The following IQCJ variants were observed in gnomAD, a reference collection of about 807,000 sequenced individuals.
IQCJ encodes IQ domain-containing protein J.
A neutral mutation model predicts 11.0 loss-of-function variants in IQCJ; 9 were observed. That is an observed-to-expected ratio of 0.82 (90% CI 0.49 to 1.43). IQCJ has a LOEUF of 1.43. Among genes scored for constraint, IQCJ ranks in the 40% most tolerant of loss-of-function variants. The probability of loss-of-function intolerance (pLI) is 0.00; values close to 1 mark genes in which losing one functional copy is unlikely to be tolerated. For missense variants in IQCJ, 146 were observed against 133.2 expected, an observed-to-expected ratio of 1.10 and a Z score of -0.47; for synonymous variants, 55 against 51.3, an observed-to-expected ratio of 1.07 and a Z score of -0.31.
intron 1 of IQCJ, among the ~76,000 whole-genome samples, chr3:159,106,993 T>G (rs1269876186): frequency 6.6e-6 from 1 of 152,360 alleles, no homozygotes; most frequent in South Asian, 2.1e-4. Context: ...ATAGGATTAC[T>G]TTTGTGAAGT....
intron 1 of IQCJ, among the ~76,000 whole-genome samples, chr3:159,084,314 A>G (rs1716551477): frequency 6.6e-6 from 1 of 151,910 alleles, no homozygotes; most frequent in Non-Finnish European, 1.5e-5. Flanking sequence ...GGAAATGTTG[A>G]GTTTGAGAAG....
chr3:159,073,462 A>G (rs944012152), intron 1 of IQCJ, among the ~76,000 whole-genome samples: 1 of 152,212 alleles, frequency 6.6e-6, no homozygotes. Flanking sequence ...TCAAGTGCTG[A>G]GTGGGCACCT....
chr3:159,184,074 T>A (rs1194292473), intron 1 of IQCJ, among the ~76,000 whole-genome samples: 1 of 151,908 alleles, frequency 6.6e-6, no homozygotes. Context: ...TGATTTTTCA[T>A]TAAACTTTGA....
At chr3:159,078,791 C>T (rs1186204742) in intron 1 of IQCJ, among the ~76,000 whole-genome samples, 2 of 151,952 alleles carry the variant, frequency 1.3e-5, no homozygotes, top group African/African-American at 4.8e-5. Context: ...TGCCTCTAGT[C>T]CTTACTAGCC....
intron 1 of IQCJ, among the ~76,000 whole-genome samples, chr3:159,117,085 T>A (rs1719068826): frequency 6.6e-6 from 1 of 152,148 alleles, no homozygotes; most frequent in African/African-American, 2.4e-5. Flanking sequence ...TTTGAAAGAG[T>A]AATGTCTACT....
At chr3:159,174,422 C>T (rs1271429754) in intron 1 of IQCJ, among the ~76,000 whole-genome samples, 1 of 152,030 alleles carries the variant, frequency 6.6e-6, no homozygotes, top group East Asian at 1.9e-4. Context: ...TTAATGTACA[C>T]AGGAGCACAG....
chr3:159,176,792 C>G (rs1264147116), intron 1 of IQCJ, among the ~76,000 whole-genome samples: 2 of 152,106 alleles, frequency 1.3e-5, no homozygotes, highest in African/African-American at 4.8e-5. Flanking sequence ...TTCAAGTGTT[C>G]AGTAGCACAT....
chr3:159,076,992 C>T (rs1240054622), intron 1 of IQCJ, among the ~76,000 whole-genome samples: 1 of 152,128 alleles, frequency 6.6e-6, no homozygotes, highest in African/African-American at 2.4e-5. Context: ...ATGCAATAGA[C>T]ACTCCATGAG....
intron 2 of IQCJ, among the ~76,000 whole-genome samples, chr3:159,251,598 A>C (rs1727604038): frequency 6.7e-6 from 1 of 148,324 alleles, no homozygotes; most frequent in Non-Finnish European, 1.5e-5. Flanking sequence ...TTGGGGGAGT[A>C]ATGTTTCTTG....
At chr3:159,257,817 A>C (rs1727981587) in intron 3 of IQCJ, among the ~76,000 whole-genome samples, 1 of 152,194 alleles carries the variant, frequency 6.6e-6, no homozygotes, top group Non-Finnish European at 1.5e-5. Flanking sequence ...TGACAAGCCA[A>C]ACCCACTGTC....
At chr3:159,174,705 A>G (rs1328187893) in intron 1 of IQCJ, among the ~76,000 whole-genome samples, 1 of 152,282 alleles carries the variant, frequency 6.6e-6, no homozygotes, top group East Asian at 1.9e-4. Context: ...ATTTATCCAT[A>G]TTTGTACACA....
At chr3:159,089,667 A>G (rs1166205345) in intron 1 of IQCJ, among the ~76,000 whole-genome samples, 1 of 151,266 alleles carries the variant, frequency 6.6e-6, no homozygotes, top group African/African-American at 2.4e-5. Context: ...CATTTCATTC[A>G]TTTCATCTTC....
chr3:159,115,098 T>C (rs758527920), intron 1 of IQCJ, among the ~76,000 whole-genome samples: 1 of 152,200 alleles, frequency 6.6e-6, no homozygotes, highest in Non-Finnish European at 1.5e-5. Flanking sequence ...AACCACCTTC[T>C]TGAGGTAGTG....
intron 3 of IQCJ, among the ~76,000 whole-genome samples, chr3:159,255,946 T>G (rs1727869734): frequency 6.6e-6 from 1 of 152,132 alleles, no homozygotes; most frequent in Admixed American, 6.5e-5. Flanking sequence ...CTAAGAGCCT[T>G]AAGGCTGGAA....
intron 1 of IQCJ, among the ~76,000 whole-genome samples, chr3:159,171,861 GA>G (rs1722500909): frequency 6.6e-6 from 1 of 152,178 alleles, no homozygotes. Flanking sequence ...TGATTGACCA[GA>G]GACCTTGCAC....
At chr3:159,223,837 T>C (rs956147070) in intron 1 of IQCJ, among the ~76,000 whole-genome samples, 4 of 152,146 alleles carry the variant, frequency 2.6e-5, no homozygotes, top group Admixed American at 1.3e-4. Flanking sequence ...TAAAATATTG[T>C]ATAAAATTAC....
chr3:159,073,910 T>A (rs1274446360), intron 1 of IQCJ, among the ~76,000 whole-genome samples: 2 of 152,006 alleles, frequency 1.3e-5, no homozygotes, highest in African/African-American at 2.4e-5. Context: ...ATAGAATAGG[T>A]CATATTTAAT....
intron 1 of IQCJ, among the ~76,000 whole-genome samples, chr3:159,105,931 A>G (rs960487111): frequency 6.6e-6 from 1 of 152,184 alleles, no homozygotes; most frequent in Non-Finnish European, 1.5e-5. Context: ...TTTCAAAAAG[A>G]TCAGTTTGGC....
intron 1 of IQCJ, among the ~76,000 whole-genome samples, chr3:159,227,335 A>C (rs1029388936): frequency 2.0e-5 from 3 of 152,226 alleles, no homozygotes; most frequent in African/African-American, 4.8e-5. Flanking sequence ...TTCAAGGTCT[A>C]TTAAAGTTTA....
Sources: gnomAD v4.1 joint callset for allele counts (sites outside exome capture counted in the v4.1 genomes callset) on GRCh38, gnomAD v4.1.1 for gene constraint, MANE v1.5 for transcripts, NCBI Gene and HGNC (gene_info 2026-07-23, HGNC 2026-07-21) for gene names.